EIF4G3: variants seen among roughly 807,000 people sequenced by gnomAD.
EIF4G3 encodes the protein eukaryotic translation initiation factor 4 gamma 3.
In EIF4G3, 34 loss-of-function variants were observed where a neutral mutation model predicts 186.4. The ratio of observed to expected loss-of-function variants is 0.18; its 90% CI spans 0.14 to 0.24. EIF4G3 has a LOEUF of 0.24. Ranked by LOEUF, EIF4G3 falls within the 10% of genes least tolerant of loss-of-function variation. The pLI is 1.00. For missense variants in EIF4G3, 1,536 were observed against 1,948.5 expected (o/e 0.79, Z 3.99); for synonymous variants, 673 against 679.5 (o/e 0.99, Z 0.15).
chr1:21,174,820 T>A (rs936045902), intron 2 of EIF4G3: 9 of 152,150 alleles, frequency 5.9e-5, no homozygotes, highest in Admixed American at 3.9e-4. Flanking sequence ...AGTACACACG[T>A]CACACTGGAA....
intron 2 of EIF4G3, among the ~76,000 whole-genome samples, chr1:21,138,883 G>T (rs1352200726): frequency 1.3e-5 from 2 of 152,088 alleles, no homozygotes; most frequent in Admixed American, 6.6e-5. Context: ...ATTAATTTGG[G>T]TTTTTTTGCT....
At chr1:21,028,904 T>C (rs2092450094) in intron 4 of EIF4G3, among the ~76,000 whole-genome samples, 1 of 152,208 alleles carries the variant, frequency 6.6e-6, no homozygotes, top group African/African-American at 2.4e-5. Flanking sequence ...AATTTTTTGT[T>C]TGAGATACAG....
intron 2 of EIF4G3, among the ~76,000 whole-genome samples, chr1:21,124,678 C>G (rs2096994391): frequency 6.6e-6 from 1 of 152,090 alleles, no homozygotes; most frequent in African/African-American, 2.4e-5. Context: ...TTTTTCTGTG[C>G]AATCCTTCTT....
Position 20,851,278 on chromosome 1 carries a change from C to T in EIF4G3, c.3752G>A (p.Arg1251Gln), listed in dbSNP as rs545378523. Reference sequence around the variant, plus strand: ...CTCACCTGACTCCCTTGTTTTATTTCGCTCAGCCTCAGTGCTGTTCCTCTC... The same window carrying T: ...CTCACCTGACTCCCTTGTTTTATTTTGCTCAGCCTCAGTGCTGTTCCTCTC... Reference protein sequence around the residue: ...DVERNSTEAERNKTRESAKPE... With the variant: ...DVERNSTEAEQNKTRESAKPE... The change falls in exon 28 of 37, where the codon CGA (arginine) becomes CAA (glutamine). Residue 1251 changes from arginine (R) to glutamine (Q), a missense_variant. Around this residue, in one of 11 missense-constraint regions of EIF4G3, gnomAD observed 395 missense variants for 498.9 expected, o/e 0.79. Coordinates refer to ENST00000602326, the MANE Select transcript of EIF4G3 (RefSeq NM_001391906.1). 1.9e-5 allele frequency: 30 copies of T among 1,614,006 alleles called. No individual in the cohort carries two copies. In the East Asian group the frequency reaches 4.2e-4, roughly 23 times the overall value.
rs187019712 is a variant in EIF4G3 at position 21,107,862 on chromosome 1, T to C, written c.-271-18649A>G. Among the ~76,000 whole-genome samples the C allele has an allele frequency of 6.6e-5, 10 of 152,308 alleles. No homozygotes were observed. The East Asian group carries it at 1.7e-3, about 26-fold the overall frequency. The stretch of plus-strand genomic sequence containing the variant: ...CCCAGCTTATACAAGTTATAACAAT[T>C]CTTTTTTGGCCAGGTTGGCTTGTGC... On this transcript the variant is annotated intron_variant, in intron 2 of 36. Coordinates refer to ENST00000602326, the MANE Select transcript of EIF4G3 (RefSeq NM_001391906.1).
chr1:21,153,582 C>T (rs1020356098), intron 2 of EIF4G3, among the ~76,000 whole-genome samples: 7 of 152,010 alleles, frequency 4.6e-5, no homozygotes, highest in Non-Finnish European at 8.8e-5. Flanking sequence ...TTGTTTGAGA[C>T]GGAGTCTCGC....
intron 2 of EIF4G3, among the ~76,000 whole-genome samples, chr1:21,156,957 T>C (rs964490386): frequency 2.6e-5 from 4 of 151,812 alleles, no homozygotes; most frequent in African/African-American, 9.7e-5. Flanking sequence ...GCTTGGGAGG[T>C]TGAGGCAGAA....
At chr1:21,007,731 C>A (rs1033927529) in intron 4 of EIF4G3, among the ~76,000 whole-genome samples, 1 of 151,734 alleles carries the variant, frequency 6.6e-6, no homozygotes, top group African/African-American at 2.4e-5. Flanking sequence ...TAAAAAGACT[C>A]TGTCTTAACT....
intron 12 of EIF4G3, among the ~76,000 whole-genome samples, chr1:20,957,180 TG>T (rs1270780903): frequency 3.3e-5 from 5 of 152,036 alleles, no homozygotes; most frequent in African/African-American, 1.2e-4. Context: ...AATAAAAGCT[TG>T]AAGGCAGACT....
rs2058705542 is a variant in EIF4G3 at position 20,809,040 on chromosome 1, C to A, written c.4745-1540G>T. ...CCAGGCTGGAGTGCAGTGGCATGAT[C>A]TCGGCTCATTGCAACCACCGCCTCA... is the stretch of plus-strand genomic sequence containing the variant. On this transcript the variant is annotated intron_variant, in intron 36 of 36. Transcript: ENST00000602326. 4.0e-5 allele frequency among the ~76,000 whole-genome samples: 6 copies of A among 151,786 alleles called. 1 individual carries two copies. The South Asian group carries it at 1.2e-3, about 32-fold the overall frequency.
intron 4 of EIF4G3, among the ~76,000 whole-genome samples, chr1:21,036,949 T>C (rs1032862083): frequency 2.0e-5 from 3 of 152,148 alleles, no homozygotes; most frequent in Non-Finnish European, 2.9e-5. Flanking sequence ...AACAATGAGA[T>C]CACCTACTCA....
chr1:20,841,768 G>GT (rs1225192112), intron 29 of EIF4G3, among the ~76,000 whole-genome samples: 2 of 152,116 alleles, frequency 1.3e-5, no homozygotes, highest in Admixed American at 6.5e-5. Context: ...ATAAAGCAGT[G>GT]TATCTCTCTG....
intron 4 of EIF4G3, among the ~76,000 whole-genome samples, chr1:21,018,475 G>A (rs1178405145): frequency 6.6e-6 from 1 of 151,704 alleles, no homozygotes; most frequent in African/African-American, 2.4e-5. Context: ...CAGGAGAATC[G>A]CTTGAACCCA....
intron 2 of EIF4G3, among the ~76,000 whole-genome samples, chr1:21,108,473 T>C (rs1433301005): frequency 2.0e-5 from 3 of 152,198 alleles, no homozygotes; most frequent in Non-Finnish European, 4.4e-5. Context: ...AATTTTACTC[T>C]ATTACATCCT....
intron 4 of EIF4G3, among the ~76,000 whole-genome samples, chr1:21,023,749 T>C (rs1223043108): frequency 5.3e-4 from 77 of 146,178 alleles, no homozygotes; most frequent in African/African-American, 1.8e-3. Context: ...CCCCTCTGCC[T>C]GGCTGCCCAG....
chr1:21,031,556 GAA>G (rs1045789183), intron 4 of EIF4G3, among the ~76,000 whole-genome samples: 1 of 151,942 alleles, frequency 6.6e-6, no homozygotes, highest in Non-Finnish European at 1.5e-5. Context: ...GATTTCTAAG[GAA>G]AGTAGTGTTA....
chr1:21,042,588 T>C (rs1460452119), intron 4 of EIF4G3, among the ~76,000 whole-genome samples: 1 of 152,202 alleles, frequency 6.6e-6, no homozygotes, highest in East Asian at 1.9e-4. Context: ...GAATCAAGCT[T>C]GTCTTCTCAT....
intron 14 of EIF4G3, among the ~76,000 whole-genome samples, chr1:20,940,979 C>CA (rs1245517687): frequency 1.3e-5 from 2 of 152,156 alleles, no homozygotes; most frequent in Non-Finnish European, 2.9e-5. Context: ...AGTGAATCAA[C>CA]AACAGCATTA....
intron 2 of EIF4G3, among the ~76,000 whole-genome samples, chr1:21,102,517 G>A (rs2096546286): frequency 6.6e-6 from 1 of 152,076 alleles, no homozygotes. Flanking sequence ...GTTAATAAAT[G>A]GACAATGCTA....
Sources: gnomAD v4.1 joint callset for allele counts (sites outside exome capture counted in the v4.1 genomes callset) on GRCh38, gnomAD v4.1.1 for gene constraint, gnomAD v4.1.1 regional missense constraint, MANE v1.5 for transcripts, NCBI Gene and HGNC (gene_info 2026-07-23, HGNC 2026-07-21) for gene names.